GPR55: variants seen among roughly 807,000 people sequenced by gnomAD.
The protein encoded by GPR55 is G-protein coupled receptor 55.
GPR55 carries 6 observed loss-of-function variants against 7.9 expected under a neutral mutation model. The observed-to-expected ratio is 0.76, with a 90% CI of 0.41 to 1.49. The LOEUF (loss-of-function observed/expected upper bound fraction) is 1.49, where lower values mean the gene tolerates loss of function less well. Among genes scored for constraint, GPR55 ranks in the 40% most tolerant of loss-of-function variants. The pLI, the probability that GPR55 is intolerant of heterozygous loss-of-function variation, is 0.01. For synonymous variants in GPR55, 183 were observed against 166.8 expected (o/e 1.10, Z -0.75); for missense variants, 376 against 406.0 (o/e 0.93, Z 0.63).
chr2:230,936,598 A>T (rs1691135652), intron 1 of GPR55, among the ~76,000 whole-genome samples: 1 of 152,204 alleles, frequency 6.6e-6, no homozygotes, highest in Admixed American at 6.5e-5. Flanking sequence ...TATTAGCAGC[A>T]TGAGAATGGA....
intron 1 of GPR55, among the ~76,000 whole-genome samples, chr2:230,946,539 G>GA (rs1691321386): frequency 1.3e-5 from 2 of 152,186 alleles, no homozygotes; most frequent in African/African-American, 2.4e-5. Flanking sequence ...AGAGTGTGGA[G>GA]AAAAAAGTGT....
intron 1 of GPR55, among the ~76,000 whole-genome samples, chr2:230,919,254 A>G (rs1409105614): frequency 6.6e-6 from 1 of 152,214 alleles, no homozygotes; most frequent in Non-Finnish European, 1.5e-5. Flanking sequence ...GCTCTTTGTC[A>G]ACTTAGCATA....
chr2:230,921,990 G>T (rs1690848377), intron 1 of GPR55, among the ~76,000 whole-genome samples: 1 of 152,168 alleles, frequency 6.6e-6, no homozygotes, highest in South Asian at 2.1e-4. Context: ...AACCTATCTC[G>T]CAGCCAGAGT....
chr2:230,941,507 C>A (rs755435), intron 1 of GPR55, among the ~76,000 whole-genome samples: 30,201 of 152,186 alleles, frequency 0.2, 3,428 homozygotes, highest in Non-Finnish European at 0.25. Context: ...GTGTGCCCAC[C>A]ACTTCCCACA....
In GPR55 at chr2:230,924,031, T is replaced by G. The variant is rs559066452; in HGVS notation, c.-135+1137A>C. ...ACATCATCTGATGTGGTTTTCCCAG[T>G]GCAGTCCTGAGTGGGTGCCTTGAAA... On this transcript the variant is annotated intron_variant, in intron 1 of 1. Transcript: ENST00000650999. The surrounding 1 kb of genome is among the most constrained non-coding windows in gnomAD (Gnocchi z 4.5). Among the ~76,000 whole-genome samples, 51 of 152,242 alleles carry G rather than the reference T, an allele frequency of 3.3e-4. No homozygotes were observed. The highest frequency in any genetic ancestry group is 3.4e-3 in the Middle Eastern group (1 of 294).
intron 1 of GPR55, among the ~76,000 whole-genome samples, chr2:230,921,911 C>T (rs1212466290): frequency 6.6e-6 from 1 of 152,142 alleles, no homozygotes; most frequent in Non-Finnish European, 1.5e-5. Flanking sequence ...CTCCAGTGAT[C>T]GTGACGTGTT....
At chr2:230,933,073 C>G (rs993118453) in intron 1 of GPR55, among the ~76,000 whole-genome samples, 1 of 103,730 alleles carries the variant, frequency 9.6e-6, no homozygotes, top group African/African-American at 4.2e-5. Context: ...CTTTCCCTGC[C>G]CCTTCCTGCC....
chr2:230,943,918 G>A (rs1278390454), intron 1 of GPR55, among the ~76,000 whole-genome samples: 2 of 152,230 alleles, frequency 1.3e-5, no homozygotes, highest in African/African-American at 4.8e-5. Flanking sequence ...CTACAGAACA[G>A]TGAGCCAATT....
intron 1 of GPR55, among the ~76,000 whole-genome samples, chr2:230,954,252 G>T (rs1691446268): frequency 6.6e-6 from 1 of 151,446 alleles, no homozygotes; most frequent in South Asian, 2.1e-4. Flanking sequence ...AGTGTAGATG[G>T]CACTGCCAAC....
At chr2:230,949,191 T>C (rs1429555391) in intron 1 of GPR55, among the ~76,000 whole-genome samples, 1 of 150,452 alleles carries the variant, frequency 6.6e-6, no homozygotes, top group Non-Finnish European at 1.5e-5. Flanking sequence ...TGAGACGGAG[T>C]TTCACTCTTC....
At chr2:230,956,970 C>CT (rs1691492015) in intron 1 of GPR55, among the ~76,000 whole-genome samples, 3 of 150,876 alleles carry the variant, frequency 2.0e-5, no homozygotes, top group Non-Finnish European at 4.4e-5. Flanking sequence ...CCTGAAACTG[C>CT]AGAGAGTACC....
intron 1 of GPR55, among the ~76,000 whole-genome samples, chr2:230,919,224 TA>T (rs1480589197): frequency 3.3e-5 from 5 of 152,094 alleles, no homozygotes; most frequent in Admixed American, 3.3e-4. Context: ...AAACAACTTA[TA>T]AAATCACTAA....
intron 1 of GPR55, among the ~76,000 whole-genome samples, chr2:230,942,427 T>C (rs955786210): frequency 2.6e-5 from 4 of 152,296 alleles, no homozygotes; most frequent in East Asian, 1.9e-4. Flanking sequence ...ACCCAGCCAC[T>C]GCCCTCCAGC....
At position 230,909,891 on chromosome 2, in the gene GPR55, A is replaced by G; in HGVS notation, c.*112T>C. On this transcript the variant is annotated 3_prime_UTR_variant, in exon 2 of 2. Transcript: ENST00000650999. The stretch of plus-strand genomic sequence containing the variant: ...CACTCAATGGGCATCAAAGGGAAGC[A>G]CATCAGTGAAGATGGTGCGGATCAT... The G allele has an allele frequency of 9.2e-7, 1 of 1,082,324 alleles. No individual in the cohort carries two copies. The highest frequency in any genetic ancestry group is 1.5e-5 in the South Asian group (1 of 65,886). 67.0% of individuals were successfully genotyped at this position (1,082,324 alleles called of 1,614,324 possible).
chr2:230,910,571 T>C lies in GPR55; in HGVS notation c.392A>G (p.His131Arg), dbSNP rs1280328808. 6.2e-7 allele frequency: 1 copy of C among 1,613,828 alleles called. No homozygotes were observed. Among genetic ancestry groups the C allele is most frequent in the Admixed American group, 1.7e-5 (1 of 60,006 alleles). The change falls in exon 2 of 2, where the codon CAC becomes CGC. Residue 131 changes from histidine (H) to arginine (R), a missense_variant. His to Arg is a conservative substitution (Grantham distance 29, BLOSUM62 0). Coordinates refer to ENST00000650999, the MANE Select transcript of GPR55 (RefSeq NM_005683.4). This position sits in a 1 kb window ranked among gnomAD's most constrained non-coding sequence, Gnocchi z 5.4. ...LAIRYPLLVS[H>R]LRSPRKIFGI... Reference sequence around the variant, plus strand: ...AAAGATCTTCCTGGGGGACCGGAGGTGGCTCACCAGTAGCGGGTAACGGAT... The same window carrying C: ...AAAGATCTTCCTGGGGGACCGGAGGCGGCTCACCAGTAGCGGGTAACGGAT...
At position 230,910,997 on chromosome 2, in the gene GPR55, C is replaced by T. The variant is rs770400465; in HGVS notation, c.-35G>A. On this transcript the variant is annotated 5_prime_UTR_variant, in exon 2 of 2. Transcript: ENST00000650999. This position sits in a 1 kb window ranked among gnomAD's most constrained non-coding sequence, Gnocchi z 5.4. ...TACAACACCAACAGATCAGACGGGGCTCCTTTCACTCTCTTGAAGTGATGG... is the reference window on the plus strand; with the variant it reads ...TACAACACCAACAGATCAGACGGGGTTCCTTTCACTCTCTTGAAGTGATGG... 1.5e-5 allele frequency: 24 copies of T among 1,557,982 alleles called. No individual in the cohort carries two copies. Among genetic ancestry groups the T allele is most frequent in the Non-Finnish European group, 2.1e-5 (24 of 1,147,836 alleles).
In GPR55 at chr2:230,908,508, T is replaced by TTTCCTC. The variant is rs1221409163; in HGVS notation, c.*1489_*1494dup. Reference sequence around the variant, plus strand: ...GGGCCACGGCTCAGCTTCCCCTCCTTTTCCTCTTCCTCTTCCTCCTCCTCC... The same window carrying TTTCCTC: ...GGGCCACGGCTCAGCTTCCCCTCCTTTTCCTCTTCCTCTTCCTCTTCCTCCTCCTCC... On this transcript the variant is annotated 3_prime_UTR_variant, in exon 2 of 2. Transcript: ENST00000650999. The TTTCCTC allele has an allele frequency of 6.4e-6, 1 of 155,182 alleles. No individual in the cohort carries two copies. The highest frequency in any genetic ancestry group is 1.4e-5 in the Non-Finnish European group (1 of 69,862). 9.6% of individuals were successfully genotyped at this position (155,182 alleles called of 1,614,324 possible).
chr2:230,910,924 GT>G lies in GPR55; in HGVS notation c.38del (p.Asp13AlafsTer6). On this transcript the variant is annotated frameshift_variant, in exon 2 of 2. Coordinates refer to ENST00000650999, the MANE Select transcript of GPR55 (RefSeq NM_005683.4). LOFTEE classifies it high-confidence loss of function. This position sits in a 1 kb window ranked among gnomAD's most constrained non-coding sequence, Gnocchi z 5.4. ...GGGTTTTCATCAGCTCGTTGACACCGTCAAACAGGCAGTCCCCACTGGTGTT... is the reference window on the plus strand; with the variant it reads ...GGGTTTTCATCAGCTCGTTGACACCGCAAACAGGCAGTCCCCACTGGTGTT... Reference protein sequence around the residue: ...QQNTSGDCLFDGVNELMKTLQ... With the variant: ...QQNTSGDCLFXGVNELMKTLQ... 1 of 1,609,178 alleles carries G rather than the reference GT, an allele frequency of 6.2e-7. No homozygotes were observed. The highest frequency in any genetic ancestry group is 8.5e-7 in the Non-Finnish European group (1 of 1,175,878).
At chr2:230,925,573 C>T (rs1226471735), upstream of GPR55, among the ~76,000 whole-genome samples, 1 of 152,200 alleles carries the variant, frequency 6.6e-6, no homozygotes, top group African/African-American at 2.4e-5. Context: ...CTACGCACCC[C>T]AGACACCCTA....
Sources: gnomAD v4.1 joint callset for allele counts (sites outside exome capture counted in the v4.1 genomes callset) on GRCh38, gnomAD v4.1.1 for gene constraint, Gnocchi (gnomAD v3.1) non-coding constraint, MANE v1.5 for transcripts, NCBI Gene and HGNC (gene_info 2026-07-23, HGNC 2026-07-21) for gene names.